Variants in DSC2 observed in about 807,000 individuals in gnomAD.
DSC2 encodes desmocollin 2.
In DSC2, 51 loss-of-function variants were observed where a neutral mutation model predicts 87.6. The observed-to-expected ratio is 0.58, with a 90% CI of 0.46 to 0.74. The LOEUF (loss-of-function observed/expected upper bound fraction) is 0.74, where lower values mean the gene tolerates loss of function less well. Ranked by LOEUF, DSC2 falls within the 30% of genes least tolerant of loss-of-function variation. DSC2 has a pLI of 0.00. For synonymous variants in DSC2, 383 were observed against 393.2 expected, an observed-to-expected ratio of 0.97 and a Z score of 0.31; for missense variants, 1,066 against 1,089.5, an observed-to-expected ratio of 0.98 and a Z score of 0.30.
Position 31,065,844 on chromosome 18 carries a change from C to T in DSC2, c.*2171G>A, listed in dbSNP as rs1243439028. 1 of 152,174 alleles carries T rather than the reference C, an allele frequency of 6.6e-6. No individual in the cohort carries two copies. Among genetic ancestry groups the T allele is most frequent in the Admixed American group, 6.6e-5 (1 of 15,266 alleles). 9.4% of individuals were successfully genotyped at this position (152,174 alleles called of 1,614,324 possible). The stretch of plus-strand genomic sequence containing the variant: ...TCTTTGCACTACGTATTCTGAAAAA[C>T]TGAACATACAAGACCCAGTCATCAG... On this transcript the variant is annotated 3_prime_UTR_variant, in exon 16 of 16. Transcript: ENST00000280904.
chr18:31,074,038 T>C (rs1278134266), intron 12 of DSC2, among the ~76,000 whole-genome samples: 4 of 152,204 alleles, frequency 2.6e-5, no homozygotes, highest in East Asian at 1.9e-4. Flanking sequence ...CTTTTTGCCA[T>C]GGGCAGCCCA....
chr18:31,092,121 A>G lies in DSC2; in HGVS notation c.334T>C (p.Phe112Leu). 1.2e-6 allele frequency: 2 copies of G among 1,612,854 alleles called. No homozygotes were observed. Among genetic ancestry groups the G allele is most frequent in the Non-Finnish European group, 1.7e-6 (2 of 1,179,362 alleles). ...TATACCTTTGTTTGATGCTCCAAAA[A>G]GACAAATATTTTCTTCTTTTCTTGG... ...ENQEKKKIFV[F>L]LEHQTKVLKK... is the part of the protein sequence containing the mutation. The change falls in exon 3 of 16, where the codon TTT becomes CTT. Residue 112 changes from phenylalanine to leucine, a missense_variant. By Grantham distance (22) the Phe-to-Leu change is conservative. Transcript: ENST00000280904.
intron 6 of DSC2, among the ~76,000 whole-genome samples, chr18:31,087,385 A>G (rs974950472): frequency 2.0e-5 from 3 of 152,118 alleles, no homozygotes; most frequent in Non-Finnish European, 2.9e-5. Context: ...ATTAACTCCT[A>G]TTTGTCAGGC....
intron 7 of DSC2, among the ~76,000 whole-genome samples, chr18:31,085,328 A>G (rs1987360690): frequency 1.3e-5 from 2 of 151,990 alleles, no homozygotes; most frequent in Non-Finnish European, 1.5e-5. Flanking sequence ...ATGCATAACA[A>G]TGTCATTCTT....
intron 1 of DSC2, among the ~76,000 whole-genome samples, chr18:31,094,076 C>T (rs976225177): frequency 6.6e-5 from 10 of 152,074 alleles, no homozygotes; most frequent in Non-Finnish European, 1.3e-4. Context: ...AATAACTTCA[C>T]TGATTAACTC....
chr18:31,089,404 C>T, intron 5 of DSC2, 35 bp downstream of exon 5: 1 of 1,612,288 alleles, frequency 6.2e-7, no homozygotes, highest in Non-Finnish European at 8.5e-7. Context: ...CAAGCATCAT[C>T]ATTGCTAATA....
Position 31,082,914 on chromosome 18 carries a change from T to C in DSC2, c.1077+12A>G. 6.2e-7 allele frequency: 1 copy of C among 1,612,574 alleles called. No homozygotes were observed. The highest frequency in any genetic ancestry group is 8.5e-7 in the Non-Finnish European group (1 of 1,179,530). The stretch of plus-strand genomic sequence containing the variant: ...TCTATACATTTTTCTTTAATTAATA[T>C]CATACACTTACAGAAGTACGAGTAA... On this transcript the variant is annotated intron_variant, in intron 8 of 15. Transcript: ENST00000280904.
chr18:31,087,624 T>C (rs775702736), intron 6 of DSC2, 45 bp downstream of exon 6: 13 of 1,593,714 alleles, frequency 8.2e-6, no homozygotes, highest in Non-Finnish European at 1.1e-5. Flanking sequence ...ATGTATGAAT[T>C]GAAACACAGT....
At chr18:31,091,269 T>C (rs1987589343) in intron 3 of DSC2, 122 bp from the exon 4 acceptor site, 4 of 1,250,026 alleles carry the variant, frequency 3.2e-6, no homozygotes, top group Non-Finnish European at 3.4e-6. Context: ...ACCATGGGAG[T>C]GCTTGAAAAC....
intron 14 of DSC2, among the ~76,000 whole-genome samples, chr18:31,070,303 A>G (rs1038290714): frequency 2.0e-5 from 3 of 152,234 alleles, no homozygotes; most frequent in Non-Finnish European, 4.4e-5. Context: ...TAGAGCCAGA[A>G]AGAATCTATT....
rs1260656600 is a variant in DSC2, at chr18:31,065,645, A to G, written c.*2370T>C. The G allele has an allele frequency of 1.3e-5, 2 of 152,218 alleles. No individual in the cohort carries two copies. The highest frequency in any genetic ancestry group is 2.9e-5 in the Non-Finnish European group (2 of 68,052). 9.4% of individuals were successfully genotyped at this position (152,218 alleles called of 1,614,324 possible). A position where few individuals can be genotyped will look rare whatever the true frequency, so the allele number is the denominator to read the frequency against. On this transcript the variant is annotated 3_prime_UTR_variant, in exon 16 of 16. Transcript: ENST00000280904. ...ACTGCTAATGTCTAGCTGGACAGCT[A>G]GGGAAGAAGCCAAGGAAGGGATTGA...
At chr18:31,101,359 G>C (rs1987942721) in intron 1 of DSC2, 2 of 801,684 alleles carry the variant, frequency 2.5e-6, no homozygotes, top group Non-Finnish European at 3.0e-6. Flanking sequence ...AAGGACACTC[G>C]CTCTCCGTCC....
rs1220964584 is a variant in DSC2 at position 31,059,654 on chromosome 18, A to G, written c.*8361T>C. Reference sequence around the variant, plus strand: ...CTTGTGGTAAAATGAAAACATGGAAACACACAATGAATAAATATTTCATTT... The same window carrying G: ...CTTGTGGTAAAATGAAAACATGGAAGCACACAATGAATAAATATTTCATTT... On this transcript the variant is annotated 3_prime_UTR_variant, in exon 16 of 16. Transcript: ENST00000280904. 6.6e-6 allele frequency: 1 copy of G among 152,202 alleles called. No individual in the cohort carries two copies. The highest frequency in any genetic ancestry group is 1.5e-5 in the Non-Finnish European group (1 of 68,032). 9.4% of individuals were successfully genotyped at this position (152,202 alleles called of 1,614,324 possible).
At chr18:31,090,586 GAC>G (rs1280187433) in intron 4 of DSC2, among the ~76,000 whole-genome samples, 1 of 152,074 alleles carries the variant, frequency 6.6e-6, no homozygotes, top group East Asian at 1.9e-4. Flanking sequence ...AAGAGACAGA[GAC>G]AGAGAGAGAG....
intron 11 of DSC2, among the ~76,000 whole-genome samples, chr18:31,075,505 A>T (rs1986984465): frequency 6.6e-6 from 1 of 152,214 alleles, no homozygotes; most frequent in African/African-American, 2.4e-5. Flanking sequence ...AACTGAAATA[A>T]TCACTGTGGG....
chr18:31,101,048 T>TAAAG (rs1383677899), intron 1 of DSC2, among the ~76,000 whole-genome samples: 3 of 148,308 alleles, frequency 2.0e-5, no homozygotes, highest in African/African-American at 5.1e-5. Context: ...TAGTGCTCTT[T>TAAAG]AAAGAAAGAA....
At chr18:31,100,981 C>A (rs925321190) in intron 1 of DSC2, among the ~76,000 whole-genome samples, 2 of 151,982 alleles carry the variant, frequency 1.3e-5, no homozygotes, top group African/African-American at 4.8e-5. Flanking sequence ...CTGTCCCGCC[C>A]CAAATAAGGC....
chr18:31,074,784 G>C lies in DSC2; in HGVS notation c.1787C>G (p.Ala596Gly), dbSNP rs148185335. 3.7e-6 allele frequency: 6 copies of C among 1,613,922 alleles called. No homozygotes were observed. Among genetic ancestry groups the C allele is most frequent in the Non-Finnish European group, 5.1e-6 (6 of 1,179,960 alleles). ...ATGGATAGGCTCATCAGGATCAACC[G>C]CAACAATCTCCGCAGATGACATGGT... ...KPTMSSAEIV[A>G]VDPDEPIHGP... The change falls in exon 12 of 16, where the codon GCG (alanine) becomes GGG (glycine). Residue 596 changes from alanine to glycine, a missense_variant. Ala to Gly is a moderately conservative substitution (Grantham distance 60). Coordinates refer to ENST00000280904, the MANE Select transcript of DSC2 (RefSeq NM_024422.6).
chr18:31,079,769 A>G, intron 11 of DSC2, 78 bp downstream of exon 11: 1 of 1,561,662 alleles, frequency 6.4e-7, no homozygotes. Flanking sequence ...CCAGCTTTAA[A>G]ATGTATACTG....
Sources: gnomAD v4.1 joint callset for allele counts (sites outside exome capture counted in the v4.1 genomes callset) on GRCh38, gnomAD v4.1.1 for gene constraint, MANE v1.5 for transcripts, NCBI Gene and HGNC (gene_info 2026-07-23, HGNC 2026-07-21) for gene names.